Variants in USP39 observed in about 807,000 individuals in gnomAD.
USP39 encodes the protein ubiquitin carboxyl-terminal hydrolase 39.
USP39 carries 38 observed loss-of-function variants against 66.4 expected under a neutral mutation model. The ratio of observed to expected loss-of-function variants is 0.57; its 90% CI spans 0.44 to 0.75. USP39 has a LOEUF of 0.75. Ranked by LOEUF, USP39 falls within the 30% of genes least tolerant of loss-of-function variation. The probability of loss-of-function intolerance (pLI) is 0.00; values close to 1 mark genes in which losing one functional copy is unlikely to be tolerated. For missense variants in USP39, 608 were observed against 714.4 expected (o/e 0.85, Z 1.70); for synonymous variants, 303 against 274.6 (o/e 1.10, Z -1.02).
At chr2:85,609,369 G>A, upstream of USP39, 1 of 1,575,466 alleles carries the variant, frequency 6.3e-7, no homozygotes, top group South Asian at 1.2e-5. Flanking sequence ...ACAGGGCTCA[G>A]GGTCTGACAA....
upstream of USP39, chr2:85,608,432 A>G: frequency 6.6e-6 from 1 of 152,402 alleles, no homozygotes; most frequent in Non-Finnish European, 1.5e-5. Context: ...TTGGAGGGGG[A>G]GGAAAACTGA....
chr2:85,632,070 C>A (rs767157966), intron 6 of USP39, among the ~76,000 whole-genome samples: 1 of 152,078 alleles, frequency 6.6e-6, no homozygotes, highest in African/African-American at 2.4e-5. Context: ...CTGTTTTTTT[C>A]TCTCCAAACC....
At position 85,630,926 on chromosome 2, in the gene USP39, C is replaced by T. The variant is rs1220746210; in HGVS notation, c.929C>T (p.Thr310Ile). ...LQAVVLCSKK[T>I]FQITKQGDGV... ...GCAGTTGTACTTTGCAGTAAGAAGACTTTTCAGATCACCAAACAAGGTAAG... is the reference window on the plus strand; with the variant it reads ...GCAGTTGTACTTTGCAGTAAGAAGATTTTTCAGATCACCAAACAAGGTAAG... Residue 310 changes from threonine (T) to isoleucine (I), a missense_variant, in exon 6 of 13, where the codon ACT (threonine) becomes ATT (isoleucine). Coordinates refer to ENST00000323701, the MANE Select transcript of USP39 (RefSeq NM_006590.4). 1.8e-5 allele frequency: 29 copies of T among 1,613,970 alleles called. No individual in the cohort carries two copies. The highest frequency in any genetic ancestry group is 2.4e-5 in the Non-Finnish European group (28 of 1,180,030).
At chr2:85,633,378 C>A (rs1675518955) in intron 6 of USP39, among the ~76,000 whole-genome samples, 1 of 152,198 alleles carries the variant, frequency 6.6e-6, no homozygotes, top group South Asian at 2.1e-4. Flanking sequence ...CCGCCTCGGC[C>A]TCCCAAAGTG....
intron 11 of USP39, among the ~76,000 whole-genome samples, chr2:85,647,077 C>T (rs1008547435): frequency 3.9e-5 from 6 of 152,016 alleles, no homozygotes; most frequent in South Asian, 2.1e-4. Context: ...TTGGTAGAGA[C>T]GGGGTTTTAC....
At position 85,623,739 on chromosome 2, in the gene USP39, C is replaced by T. The variant is rs1674638166; in HGVS notation, c.527C>T (p.Pro176Leu). The T allele has an allele frequency of 1.9e-6, 3 of 1,613,776 alleles. No individual in the cohort carries two copies. Among genetic ancestry groups the T allele is most frequent in the African/African-American group, 1.3e-5 (1 of 74,884 alleles). Residue 176 changes from proline to leucine, a missense_variant, in exon 4 of 13, where the codon CCA (proline) becomes CTA (leucine). By Grantham distance (98) the Pro-to-Leu change is moderately conservative. Transcript: ENST00000323701. ...NLHTLKFYCL[P>L]DNYEIIDSSL... The stretch of plus-strand genomic sequence containing the variant: ...CACACCCTCAAGTTTTACTGCCTTC[C>T]AGACAACTATGAGATCATCGATTCC...
chr2:85,621,277 T>C (rs1674438323), intron 2 of USP39: 5 of 486,764 alleles, frequency 1.0e-5, no homozygotes, highest in South Asian at 6.0e-5. Context: ...GTGGGTATTA[T>C]GTGTCTGGTG....
At chr2:85,645,106 A>G (rs749473456) in intron 11 of USP39, 23 bp downstream of exon 11, 1 of 1,613,846 alleles carries the variant, frequency 6.2e-7, no homozygotes, top group Non-Finnish European at 8.5e-7. Flanking sequence ...TGACCGTCTC[A>G]TGGCACAGAG....
At chr2:85,626,342 A>C (rs911260678) in intron 5 of USP39, among the ~76,000 whole-genome samples, 7 of 152,180 alleles carry the variant, frequency 4.6e-5, no homozygotes, top group Non-Finnish European at 1.0e-4. Flanking sequence ...CTGGGCAAGA[A>C]GAGCGAAACT....
At chr2:85,645,153 CA>C in intron 11 of USP39, 70 bp downstream of exon 11, 1 of 1,597,976 alleles carries the variant, frequency 6.3e-7, no homozygotes, top group Non-Finnish European at 8.5e-7. Flanking sequence ...TCTCAGAGGG[CA>C]GCTCCCTTCA....
upstream of USP39, chr2:85,612,296 A>G (rs192588053): frequency 4.9e-4 from 759 of 1,535,586 alleles, 5 homozygotes; most frequent in African/African-American, 9.0e-3. Flanking sequence ...GAACCTTCAG[A>G]AAAATGCAAA....
upstream of USP39, chr2:85,609,728 C>A (rs1673384056): frequency 6.2e-6 from 7 of 1,135,908 alleles, no homozygotes; most frequent in Non-Finnish European, 8.6e-6. Context: ...GTCGCCCAGG[C>A]TGGAGTGCAG....
chr2:85,647,817 A>T, intron 11 of USP39, 113 bp from the exon 12 acceptor site: 1 of 829,648 alleles, frequency 1.2e-6, no homozygotes. Flanking sequence ...CTGTTGCTGG[A>T]TGATGTCTAG....
At chr2:85,638,387 G>A (rs1473890814) in intron 8 of USP39, among the ~76,000 whole-genome samples, 1 of 151,828 alleles carries the variant, frequency 6.6e-6, no homozygotes. Flanking sequence ...CAGGCTGAGT[G>A]TGGTGGCGTG....
chr2:85,612,083 C>T, upstream of USP39: 1 of 1,035,670 alleles, frequency 9.7e-7, no homozygotes, highest in Non-Finnish European at 1.3e-6. Flanking sequence ...CTTCCGGCCC[C>T]GCATCCTGAC....
chr2:85,632,114 G>A (rs918746398), intron 6 of USP39, among the ~76,000 whole-genome samples: 2 of 152,182 alleles, frequency 1.3e-5, no homozygotes, highest in East Asian at 3.8e-4. Flanking sequence ...AAAGCGGACA[G>A]TGTAACTTTG....
At chr2:85,619,605 A>G (rs1168023015) in intron 2 of USP39, among the ~76,000 whole-genome samples, 3 of 150,402 alleles carry the variant, frequency 2.0e-5, no homozygotes, top group Non-Finnish European at 3.0e-5. Context: ...GATTCAGCAG[A>G]AAAAAAACAC....
In USP39 at chr2:85,634,137, G is replaced by A. The variant is rs966669481; in HGVS notation, c.950-1916G>A. Among the ~76,000 whole-genome samples the A allele has an allele frequency of 1.8e-4, 27 of 150,700 alleles. No individual in the cohort carries two copies. In the Admixed American group the frequency reaches 1.8e-3, roughly 10 times the overall value. Reference sequence around the variant, plus strand: ...CAGGCGTGAGCCACCACGCCCGGCCGAGTAGTGGCTTTTAAGAGTCTCTGG... The same window carrying A: ...CAGGCGTGAGCCACCACGCCCGGCCAAGTAGTGGCTTTTAAGAGTCTCTGG... On this transcript the variant is annotated intron_variant, in intron 6 of 12. Coordinates refer to ENST00000323701, the MANE Select transcript of USP39 (RefSeq NM_006590.4).
chr2:85,637,553 A>G lies in USP39; in HGVS notation c.1095+117A>G, dbSNP rs1573437346. 4.6e-6 allele frequency: 5 copies of G among 1,079,776 alleles called. No homozygotes were observed. In the East Asian group the frequency reaches 1.0e-4, roughly 22 times the overall value. 66.9% of individuals were successfully genotyped at this position (1,079,776 alleles called of 1,614,324 possible). ...GCTTGCCCTGTGAAGAGGTTCAACA[A>G]AGCACCTGCCTAGTGGCAGCTCTGC... On this transcript the variant is annotated intron_variant, in intron 8 of 12. Transcript: ENST00000323701.
Sources: gnomAD v4.1 joint callset for allele counts (sites outside exome capture counted in the v4.1 genomes callset) on GRCh38, gnomAD v4.1.1 for gene constraint, MANE v1.5 for transcripts, NCBI Gene and HGNC (gene_info 2026-07-23, HGNC 2026-07-21) for gene names.